The following GBP3 variants were observed in gnomAD, a reference collection of about 807,000 sequenced individuals.
The protein encoded by GBP3 is guanylate-binding protein 3.
Under a neutral mutation model 62.4 loss-of-function variants are expected in GBP3, and 55 were observed. That is an observed-to-expected ratio of 0.88 (90% confidence interval 0.71 to 1.10). The LOEUF (loss-of-function observed/expected upper bound fraction) is 1.10. GBP3 is among the 50% of genes least tolerant of loss of function. GBP3 has a pLI of 0.00. For missense variants in GBP3, 605 were observed against 690.6 expected (o/e 0.88, Z 1.39); for synonymous variants, 208 against 259.2 (o/e 0.80, Z 1.90).
At position 89,010,853 on chromosome 1, in the gene GBP3, G is replaced by A. The variant is rs779887386; in HGVS notation, c.1362+51C>T. 1.7e-5 allele frequency: 25 copies of A among 1,460,282 alleles called. 4 individuals are homozygous for A. The highest frequency in any genetic ancestry group is 8.1e-5 in the African/African-American group (6 of 73,794). 90.5% of individuals were successfully genotyped at this position (1,460,282 alleles called of 1,614,324 possible). On this transcript the variant is annotated intron_variant, in intron 8 of 10. Coordinates refer to ENST00000370481, the MANE Select transcript of GBP3 (RefSeq NM_018284.3). ...GTGAAGCTTGGTCACTTTGGTGTTC[G>A]TAGGAGGTAGGTCAGCAGGTTTCCA...
intron 1 of GBP3, among the ~76,000 whole-genome samples, chr1:89,021,335 T>C (rs1679178012): frequency 1.3e-5 from 2 of 152,224 alleles, no homozygotes; most frequent in South Asian, 4.1e-4. Context: ...TACATAACCA[T>C]GTGAAACACA....
At chr1:89,014,050 C>T (rs909808264) in intron 5 of GBP3, 33 bp downstream of exon 5, 17 of 1,595,958 alleles carry the variant, frequency 1.1e-5, no homozygotes, top group East Asian at 4.5e-5. Flanking sequence ...AGTGTTTTGT[C>T]GTCCTCATTT....
At chr1:89,010,822 T>C in intron 8 of GBP3, 82 bp downstream of exon 8, 2 of 1,430,170 alleles carry the variant, frequency 1.4e-6, no homozygotes. Flanking sequence ...AGCACATCTG[T>C]GTGCAGTGAA....
At chr1:89,017,010 A>G (rs1678922449) in intron 2 of GBP3, among the ~76,000 whole-genome samples, 1 of 152,202 alleles carries the variant, frequency 6.6e-6, no homozygotes, top group South Asian at 2.1e-4. Context: ...AAATATCCAC[A>G]CTAACTTTCA....
In GBP3 at chr1:89,011,000, C is replaced by T. The variant is rs370251073; in HGVS notation, c.1266G>A (p.Ala422=). The T allele has an allele frequency of 2.5e-5, 36 of 1,461,510 alleles. 9 individuals carry two copies. Among genetic ancestry groups the T allele is most frequent in the South Asian group, 3.5e-5 (3 of 84,696 alleles). 90.5% of individuals were successfully genotyped at this position (1,461,510 alleles called of 1,614,324 possible). ...IFSPLEEEVK[A]GIYSKPGGYC... Reference sequence around the variant, plus strand: ...AGCCCCCTGGTTTCGAATAAATTCCCGCCTTCACTTCTTCTTCTAGAGGAC... The same window carrying T: ...AGCCCCCTGGTTTCGAATAAATTCCTGCCTTCACTTCTTCTTCTAGAGGAC... Residue 422 remains alanine, a synonymous_variant, in exon 8 of 11, where the codon GCG becomes GCA. Transcript: ENST00000370481.
At chr1:89,021,567 A>C (rs894419858) in intron 1 of GBP3, among the ~76,000 whole-genome samples, 1 of 151,516 alleles carries the variant, frequency 6.6e-6, no homozygotes, top group African/African-American at 2.4e-5. Flanking sequence ...CAAACCAAAC[A>C]AACAACAGCA....
rs140165183 is a variant in GBP3, at chr1:89,015,605, A to T, written c.191-191T>A. Reference sequence around the variant, plus strand: ...TACATAAATGGATTCAGGACCTTTCATGATAAAAACAATCAACAAATTAGA... The same window carrying T: ...TACATAAATGGATTCAGGACCTTTCTTGATAAAAACAATCAACAAATTAGA... On this transcript the variant is annotated intron_variant, in intron 2 of 10. Coordinates refer to ENST00000370481, the MANE Select transcript of GBP3 (RefSeq NM_018284.3). Among the ~76,000 whole-genome samples, 85 of 152,290 alleles carry T rather than the reference A, an allele frequency of 5.6e-4. 1 individual carries two copies. The highest frequency in any genetic ancestry group is 1.9e-3 in the African/African-American group (78 of 41,558).
intron 8 of GBP3, 45 bp downstream of exon 8, chr1:89,010,855 AGGAG>A (rs1442363694): frequency 6.8e-7 from 1 of 1,460,804 alleles, no homozygotes; most frequent in Non-Finnish European, 9.5e-7. Flanking sequence ...TGGTGTTCGT[AGGAG>A]GTAGGTCAGC....
intron 1 of GBP3, among the ~76,000 whole-genome samples, chr1:89,021,357 C>G (rs971007042): frequency 6.6e-6 from 1 of 152,114 alleles, no homozygotes; most frequent in Non-Finnish European, 1.5e-5. Context: ...GGCTAGGGAC[C>G]TTTCCAAGGG....
At chr1:89,021,544 A>ACACACACACACACACC (rs761151308) in intron 1 of GBP3, among the ~76,000 whole-genome samples, 19 of 140,948 alleles carry the variant, frequency 1.3e-4, no homozygotes, top group East Asian at 2.1e-4. Flanking sequence ...ACACACACAC[A>ACACACACACACACACC]CCCCAAAAAA....
intron 10 of GBP3, among the ~76,000 whole-genome samples, chr1:89,008,495 T>G (rs1287233074): frequency 1.4e-5 from 2 of 145,176 alleles, no homozygotes; most frequent in South Asian, 2.3e-4. Flanking sequence ...AGAGCCAAAG[T>G]CATACTAGAT....
At position 89,007,843 on chromosome 1, in the gene GBP3, G is replaced by T. The variant is rs931614042; in HGVS notation, c.1669C>A (p.Arg557=). ...TLTSKLQEQA[R]VLKERCQGES... ...CCTTGGCATCTCTCCTTTAGTACTC[G>T]GGCCTGTTCCTAAAAAGGGACAAAT... The change falls in exon 11 of 11, where the codon CGA becomes AGA. Residue 557 remains arginine (R), a synonymous_variant. Transcript: ENST00000370481. 1 of 1,611,134 alleles carries T rather than the reference G, an allele frequency of 6.2e-7. No individual in the cohort carries two copies. Among genetic ancestry groups the T allele is most frequent in the Non-Finnish European group, 8.5e-7 (1 of 1,178,998 alleles).
Position 89,008,928 on chromosome 1 carries a change from AG to A in GBP3, c.1659+18del. On this transcript the variant is annotated intron_variant, in intron 10 of 10. Coordinates refer to ENST00000370481, the MANE Select transcript of GBP3 (RefSeq NM_018284.3). ...AGAGAAAACAGAAAAACGAACCACA[AG>A]GTGATGCATTTGGATACCTGAAGTT... 6.2e-7 allele frequency: 1 copy of A among 1,613,934 alleles called. No homozygotes were observed. Among genetic ancestry groups the A allele is most frequent in the Non-Finnish European group, 8.5e-7 (1 of 1,179,826 alleles).
chr1:89,010,961 A>G lies in GBP3; in HGVS notation c.1305T>C (p.Ile435=), dbSNP rs755835256. ...TTTTCTCCAGGTCTTGTAGCTTCTG[A>G]ATAAAGAGACAATAGCCCCCTGGTT... ...YSKPGGYCLF[I]QKLQDLEKKY... is the part of the protein sequence containing the mutation. Residue 435 remains isoleucine (I), a synonymous_variant, in exon 8 of 11, where the codon ATT becomes ATC. Transcript: ENST00000370481. 77 of 1,461,518 alleles carry G rather than the reference A, an allele frequency of 5.3e-5. 20 individuals are homozygous for G. Among genetic ancestry groups the G allele is most frequent in the Non-Finnish European group, 7.3e-5 (77 of 1,055,142 alleles). 90.5% of individuals were successfully genotyped at this position (1,461,518 alleles called of 1,614,324 possible). A position where few individuals can be genotyped will look rare whatever the true frequency, so the allele number is the denominator to read the frequency against.
In GBP3 at chr1:89,021,510, G is replaced by GCGCACACACACA. The variant is rs751639388; in HGVS notation, c.-22-768_-22-767insTGTGTGTGTGCG. 7.5e-3 allele frequency among the ~76,000 whole-genome samples: 993 copies of GCGCACACACACA among 131,702 alleles called. 16 individuals carry two copies. The highest frequency in any genetic ancestry group is 0.028 in the African/African-American group (915 of 33,256). The allele number at this position is 131,702 out of a possible 152,430, so 86.4% of individuals were successfully genotyped here. On this transcript the variant is annotated intron_variant, in intron 1 of 10. Coordinates refer to ENST00000370481, the MANE Select transcript of GBP3 (RefSeq NM_018284.3). ...CTAAGAAACACGCATGCGCGCGCGC[G>GCGCACACACACA]CACACACACACACACACACACACAC...
chr1:89,015,223 TA>T, intron 3 of GBP3, 63 bp downstream of exon 3: 1 of 1,460,572 alleles, frequency 6.8e-7, no homozygotes, highest in Non-Finnish European at 9.2e-7. Flanking sequence ...AAGAAAAAAC[TA>T]AATGGTGCTT....
chr1:89,018,839 C>T (rs1679022448), intron 2 of GBP3, among the ~76,000 whole-genome samples: 1 of 152,166 alleles, frequency 6.6e-6, no homozygotes, highest in African/African-American at 2.4e-5. Context: ...AAGGCTGTGA[C>T]CCCCCTGGAC....
intron 1 of GBP3, 99 bp from the exon 2 acceptor site, chr1:89,020,842 G>A (rs1679149546): frequency 1.1e-6 from 1 of 938,574 alleles, no homozygotes; most frequent in South Asian, 1.6e-5. Context: ...TTTTGTGTGT[G>A]TCAGTGAGAG....
In GBP3 at chr1:89,012,899, G is replaced by A. The variant is rs558241790; in HGVS notation, c.868+286C>T. ...GTCACCCAGGCTGGAGTGCAGTGGC[G>A]TGATCTCGTCTCACTGCAACCTCTG... On this transcript the variant is annotated intron_variant, in intron 6 of 10. Transcript: ENST00000370481. 2.4e-4 allele frequency among the ~76,000 whole-genome samples: 34 copies of A among 140,238 alleles called. 3 individuals are homozygous for A. The highest frequency in any genetic ancestry group is 2.3e-3 in the East Asian group (11 of 4,872). The allele number at this position is 140,238 out of a possible 152,430, so 92.0% of individuals were successfully genotyped here. A position where few individuals can be genotyped will look rare whatever the true frequency, so the allele number is the denominator to read the frequency against.
Sources: gnomAD v4.1 joint callset for allele counts (sites outside exome capture counted in the v4.1 genomes callset) on GRCh38, gnomAD v4.1.1 for gene constraint, MANE v1.5 for transcripts, NCBI Gene and HGNC (gene_info 2026-07-23, HGNC 2026-07-21) for gene names.